Variants in CDH11 observed in about 807,000 individuals in gnomAD.
The protein encoded by CDH11 is cadherin 11.
CDH11 carries 11 observed loss-of-function variants against 67.8 expected under a neutral mutation model. The ratio of observed to expected loss-of-function variants is 0.16; its 90% CI spans 0.10 to 0.27. The LOEUF is 0.27. Among genes scored for constraint, CDH11 ranks in the 10% least tolerant of loss-of-function variants. The pLI is 1.00. For synonymous variants in CDH11, 419 were observed against 400.0 expected, an observed-to-expected ratio of 1.05 and a Z score of -0.57; for missense variants, 847 against 1,031.2, an observed-to-expected ratio of 0.82 and a Z score of 2.45.
At chr16:65,050,711 C>G (rs1292891922) in intron 2 of CDH11, among the ~76,000 whole-genome samples, 1 of 151,996 alleles carries the variant, frequency 6.6e-6, no homozygotes, top group Non-Finnish European at 1.5e-5. Context: ...TTTCATGCCA[C>G]CAGCCTTGGA....
At position 64,988,193 on chromosome 16, in the gene CDH11, G is replaced by A. The variant is rs1223890507; in HGVS notation, c.963C>T (p.Asp321=). Residue 321 remains aspartate, a synonymous_variant, in exon 7 of 13, where the codon GAC becomes GAT. Coordinates refer to ENST00000268603, the MANE Select transcript of CDH11 (RefSeq NM_001797.4). The part of the protein sequence containing the change: ...DGMESFEITT[D]YETQEGVIKL... ...TTATCACCCCCTCCTGTGTTTCATA[G>A]TCCGTTGTGATTTCAAACGATTCCA... 11 of 1,612,126 alleles carry A rather than the reference G, an allele frequency of 6.8e-6. No individual in the cohort carries two copies. Among genetic ancestry groups the A allele is most frequent in the Non-Finnish European group, 9.3e-6 (11 of 1,179,152 alleles).
Position 65,094,276 on chromosome 16 carries a change from C to A in CDH11, c.-298+27604G>T, listed in dbSNP as rs1453685381. On this transcript the variant is annotated intron_variant, in intron 1 of 12. Coordinates refer to ENST00000268603, the MANE Select transcript of CDH11 (RefSeq NM_001797.4). ...CAAGCCAAAGCAACTGGAGAAACAC[C>A]AATAGTTATAAAACTAAACAAAATA... Among the ~76,000 whole-genome samples the A allele has an allele frequency of 2.0e-5, 3 of 152,048 alleles. No homozygotes were observed. In the East Asian group the frequency reaches 5.8e-4, roughly 29 times the overall value.
chr16:65,004,153 G>A (rs1354163299), intron 3 of CDH11, among the ~76,000 whole-genome samples: 2 of 152,164 alleles, frequency 1.3e-5, no homozygotes, highest in African/African-American at 4.8e-5. Context: ...GATCACTTAG[G>A]TCAGAGGTTT....
intron 11 of CDH11, among the ~76,000 whole-genome samples, chr16:64,957,096 C>T (rs1343811979): frequency 1.3e-5 from 2 of 152,124 alleles, no homozygotes; most frequent in East Asian, 3.9e-4. Context: ...GACCCTCTGC[C>T]CTCATCATGG....
chr16:65,116,427 C>T (rs1391642118), intron 1 of CDH11, among the ~76,000 whole-genome samples: 9 of 152,168 alleles, frequency 5.9e-5, no homozygotes, highest in African/African-American at 7.2e-5. Context: ...AGGACAAAGC[C>T]GGGCTCCAGG....
intron 1 of CDH11, among the ~76,000 whole-genome samples, chr16:65,080,465 T>A (rs2074591517): frequency 6.6e-6 from 1 of 152,210 alleles, no homozygotes; most frequent in Non-Finnish European, 1.5e-5. Flanking sequence ...TATGATTTTT[T>A]AAATGCTCAT....
At chr16:65,104,137 C>A (rs1280808247) in intron 1 of CDH11, among the ~76,000 whole-genome samples, 2 of 152,080 alleles carry the variant, frequency 1.3e-5, no homozygotes, top group Non-Finnish European at 2.9e-5. Context: ...CAGAGGTATG[C>A]AAATATGATT....
chr16:64,988,134 T>A, intron 7 of CDH11, 23 bp downstream of exon 7: 1 of 1,583,690 alleles, frequency 6.3e-7, no homozygotes, highest in Non-Finnish European at 8.6e-7. Context: ...CACTGACACG[T>A]CTGATTCCTT....
Position 64,948,110 on chromosome 16 carries a change from A to C in CDH11, c.1895-11T>G, listed in dbSNP as rs573271692. On this transcript the variant is annotated splice_polypyrimidine_tract_variant and intron_variant, in intron 12 of 12. Transcript: ENST00000268603. ...ACAATACTACAATGACTGGAGGGAA[A>C]GAAAAAGAAGGTAAGCATTCGTTAA... The C allele has an allele frequency of 1.9e-6, 3 of 1,605,244 alleles. No homozygotes were observed. Among genetic ancestry groups the C allele is most frequent in the Middle Eastern group, 1.7e-4 (1 of 6,016 alleles).
chr16:65,108,711 C>G (rs1279074358), intron 1 of CDH11, among the ~76,000 whole-genome samples: 3 of 152,006 alleles, frequency 2.0e-5, no homozygotes, highest in Admixed American at 1.3e-4. Context: ...AAACATGTGG[C>G]TTTAATGAGT....
intron 1 of CDH11, among the ~76,000 whole-genome samples, chr16:65,088,249 T>C (rs1359388042): frequency 6.6e-6 from 1 of 152,158 alleles, no homozygotes; most frequent in African/African-American, 2.4e-5. Flanking sequence ...GTTCCTATCC[T>C]CCAGAACTGT....
rs2280395 is a variant in CDH11 at position 64,986,425 on chromosome 16, T to G, written c.999+1732A>C. The G allele has an allele frequency of 4.6e-5, 7 of 152,152 alleles. No homozygotes were observed. In the East Asian group the frequency reaches 1.4e-3, roughly 30 times the overall value. The allele number at this position is 152,152 out of a possible 1,614,324, so 9.4% of individuals were successfully genotyped here. A position where few individuals can be genotyped will look rare whatever the true frequency, so the allele number is the denominator to read the frequency against. On this transcript the variant is annotated intron_variant, in intron 7 of 12. Coordinates refer to ENST00000268603, the MANE Select transcript of CDH11 (RefSeq NM_001797.4). ...TGGGGGTGATTTAAATGTTTCAGGA[T>G]TTCAGAGATACAGTGTGTGTTTATG...
chr16:65,018,454 T>C (rs912806697), intron 2 of CDH11, among the ~76,000 whole-genome samples: 1 of 152,154 alleles, frequency 6.6e-6, no homozygotes, highest in Non-Finnish European at 1.5e-5. Flanking sequence ...CTTATGGAAA[T>C]AACTATATTG....
chr16:65,116,327 C>G (rs1284959571), intron 1 of CDH11, among the ~76,000 whole-genome samples: 1 of 152,146 alleles, frequency 6.6e-6, no homozygotes, highest in African/African-American at 2.4e-5. Context: ...CTAATGGAGG[C>G]TGAAATGAGA....
chr16:65,058,422 A>G (rs2074183655), intron 1 of CDH11, among the ~76,000 whole-genome samples: 1 of 152,206 alleles, frequency 6.6e-6, no homozygotes, highest in South Asian at 2.1e-4. Context: ...CTGGTGGTCT[A>G]GAAATACCAA....
chr16:64,950,272 T>C (rs989039180), intron 12 of CDH11, among the ~76,000 whole-genome samples: 2 of 152,116 alleles, frequency 1.3e-5, no homozygotes, highest in Non-Finnish European at 2.9e-5. Flanking sequence ...TGATAATTAG[T>C]GGAGGGGTTA....
At chr16:65,013,782 G>A (rs541682127) in intron 2 of CDH11, among the ~76,000 whole-genome samples, 10 of 151,270 alleles carry the variant, frequency 6.6e-5, no homozygotes, top group South Asian at 2.1e-4. Flanking sequence ...AGCTAAGATC[G>A]CACCACTGCA....
At chr16:65,058,359 G>A (rs934090373) in intron 1 of CDH11, among the ~76,000 whole-genome samples, 2 of 152,184 alleles carry the variant, frequency 1.3e-5, no homozygotes, top group African/African-American at 4.8e-5. Flanking sequence ...TGAAATATCA[G>A]GTTTTTAAAA....
intron 8 of CDH11, among the ~76,000 whole-genome samples, chr16:64,976,758 G>T (rs548710890): frequency 1.4e-3 from 215 of 152,192 alleles, no homozygotes; most frequent in African/African-American, 4.9e-3. Context: ...ACTTGGGAGA[G>T]AATTGCTTGA....
Sources: allele counts gnomAD v4.1 joint callset (sites outside exome capture counted in the v4.1 genomes callset), GRCh38; gene constraint gnomAD v4.1.1; transcripts MANE v1.5; gene names NCBI Gene and HGNC (gene_info 2026-07-23, HGNC 2026-07-21).